Variants in NR3C2 observed in about 807,000 individuals in gnomAD.
The protein encoded by NR3C2 is mineralocorticoid receptor.
A neutral mutation model predicts 86.4 loss-of-function variants in NR3C2; 15 were observed. That is an observed-to-expected ratio of 0.17 (90% CI 0.12 to 0.27). NR3C2 has a LOEUF of 0.27. Ranked by LOEUF, NR3C2 falls within the 10% of genes least tolerant of loss-of-function variation. The pLI, the probability that NR3C2 is intolerant of heterozygous loss-of-function variation, is 1.00. For synonymous variants in NR3C2, 458 were observed against 450.5 expected (o/e 1.02, Z -0.21); for missense variants, 960 against 1,195.6 (o/e 0.80, Z 2.91).
At chr4:148,352,032 T>C (rs1745307153) in intron 2 of NR3C2, among the ~76,000 whole-genome samples, 1 of 152,194 alleles carries the variant, frequency 6.6e-6, no homozygotes, top group Admixed American at 6.5e-5. Context: ...AAATAACCAA[T>C]GGAAATATAG....
At chr4:148,218,185 G>A (rs1044992513) in intron 3 of NR3C2, among the ~76,000 whole-genome samples, 2 of 152,168 alleles carry the variant, frequency 1.3e-5, no homozygotes, top group Non-Finnish European at 2.9e-5. Flanking sequence ...GAAAACAAAG[G>A]TAAATATCAT....
chr4:148,120,126 T>C (rs376310975), intron 7 of NR3C2, 32 bp downstream of exon 7: 42 of 1,613,464 alleles, frequency 2.6e-5, no homozygotes, highest in Non-Finnish European at 3.5e-5. Context: ...TCTGGTAATA[T>C]AGAAACAGTG....
At chr4:148,354,449 C>G (rs2149996331) in intron 2 of NR3C2, among the ~76,000 whole-genome samples, 1 of 152,200 alleles carries the variant, frequency 6.6e-6, no homozygotes, top group Non-Finnish European at 1.5e-5. Context: ...CTAACCCTTG[C>G]ATTATTCAAG....
intron 4 of NR3C2, among the ~76,000 whole-genome samples, chr4:148,167,123 G>C (rs1411532751): frequency 6.6e-6 from 1 of 152,084 alleles, no homozygotes; most frequent in Non-Finnish European, 1.5e-5. Flanking sequence ...TATATTCCTA[G>C]GTCCAAACAA....
chr4:148,207,535 G>A (rs893542228), intron 3 of NR3C2, among the ~76,000 whole-genome samples: 1 of 152,136 alleles, frequency 6.6e-6, no homozygotes, highest in Non-Finnish European at 1.5e-5. Flanking sequence ...TGAAACTCAG[G>A]ACAAGAGAGG....
intron 2 of NR3C2, 60 bp downstream of exon 2, chr4:148,435,044 T>G: frequency 1.3e-6 from 2 of 1,487,062 alleles, no homozygotes; most frequent in Non-Finnish European, 1.9e-6. Flanking sequence ...GTAAAGATAA[T>G]GCTAACCTTC....
intron 3 of NR3C2, among the ~76,000 whole-genome samples, chr4:148,233,633 C>A (rs1738580750): frequency 6.6e-6 from 1 of 151,988 alleles, no homozygotes; most frequent in Admixed American, 6.5e-5. Context: ...GAGCTCAACT[C>A]AATTGGGCTA....
chr4:148,380,975 T>C (rs1287097167), intron 2 of NR3C2, among the ~76,000 whole-genome samples: 1 of 152,048 alleles, frequency 6.6e-6, no homozygotes, highest in Non-Finnish European at 1.5e-5. Context: ...CAAGAGAACA[T>C]TAGAACTTTG....
At chr4:148,389,091 A>T (rs986537695) in intron 2 of NR3C2, among the ~76,000 whole-genome samples, 1 of 152,144 alleles carries the variant, frequency 6.6e-6, no homozygotes, top group Non-Finnish European at 1.5e-5. Context: ...TTTCATCTCA[A>T]ATTTCCACTT....
chr4:148,298,392 G>T lies in NR3C2; in HGVS notation c.1758-38275C>A, dbSNP rs573150313. On this transcript the variant is annotated intron_variant, in intron 2 of 8. Transcript: ENST00000358102. Reference sequence around the variant, plus strand: ...TGATGGCTGCCGGAAGAAGGCAGGGGAGGGGAACAACTGGGGTGATGGAAA... The same window carrying T: ...TGATGGCTGCCGGAAGAAGGCAGGGTAGGGGAACAACTGGGGTGATGGAAA... 2.0e-5 allele frequency among the ~76,000 whole-genome samples: 3 copies of T among 152,322 alleles called. No homozygotes were observed. In the South Asian group the frequency reaches 6.2e-4, roughly 32 times the overall value.
intron 3 of NR3C2, among the ~76,000 whole-genome samples, chr4:148,222,938 A>G (rs564872354): frequency 2.7e-4 from 41 of 152,300 alleles, no homozygotes; most frequent in Admixed American, 2.7e-3. Context: ...ACATAAATGC[A>G]TATATGAGAA....
chr4:148,428,756 T>A (rs1749666910), intron 2 of NR3C2, among the ~76,000 whole-genome samples: 1 of 152,166 alleles, frequency 6.6e-6, no homozygotes. Flanking sequence ...CCAGAAAGCC[T>A]AGCTCTCATC....
Position 148,410,653 on chromosome 4 carries a change from A to C in NR3C2, c.1757+24451T>G, listed in dbSNP as rs1031990395. Reference sequence around the variant, plus strand: ...AGGGACCTTTCACTATAACTCAAAGAAGCAGAATCCCTAAAAGAATGTATT... The same window carrying C: ...AGGGACCTTTCACTATAACTCAAAGCAGCAGAATCCCTAAAAGAATGTATT... On this transcript the variant is annotated intron_variant, in intron 2 of 8. Coordinates refer to ENST00000358102, the MANE Select transcript of NR3C2 (RefSeq NM_000901.5). 3.9e-5 allele frequency among the ~76,000 whole-genome samples: 6 copies of C among 152,164 alleles called. No homozygotes were observed. In the East Asian group the frequency reaches 1.2e-3, roughly 29 times the overall value.
intron 8 of NR3C2, among the ~76,000 whole-genome samples, chr4:148,102,947 C>G (rs1731607206): frequency 6.6e-6 from 1 of 152,182 alleles, no homozygotes; most frequent in South Asian, 2.1e-4. Flanking sequence ...AATGCCTCAA[C>G]AGCTTCCTAG....
chr4:148,220,701 G>A (rs1167923128), intron 3 of NR3C2, among the ~76,000 whole-genome samples: 1 of 152,162 alleles, frequency 6.6e-6, no homozygotes. Flanking sequence ...GAAACTGAGG[G>A]GGGAGGATGG....
intron 3 of NR3C2, among the ~76,000 whole-genome samples, chr4:148,222,979 T>C (rs1224508139): frequency 6.6e-6 from 1 of 152,024 alleles, no homozygotes; most frequent in African/African-American, 2.4e-5. Context: ...AAGATATTAG[T>C]GGTAAAAAAC....
At chr4:148,393,653 T>C (rs1244661074) in intron 2 of NR3C2, among the ~76,000 whole-genome samples, 1 of 152,168 alleles carries the variant, frequency 6.6e-6, no homozygotes, top group Non-Finnish European at 1.5e-5. Flanking sequence ...TTCCATTTTG[T>C]TAATAAGAAG....
At chr4:148,364,141 C>T (rs1389854288) in intron 2 of NR3C2, among the ~76,000 whole-genome samples, 1 of 152,144 alleles carries the variant, frequency 6.6e-6, no homozygotes, top group Non-Finnish European at 1.5e-5. Flanking sequence ...GTAATGAAAA[C>T]TACATTTTTG....
chr4:148,276,063 T>C (rs1322659776), intron 2 of NR3C2, among the ~76,000 whole-genome samples: 3 of 152,152 alleles, frequency 2.0e-5, no homozygotes, highest in Non-Finnish European at 4.4e-5. Flanking sequence ...TTAAAATCAT[T>C]CCAAAATGTA....
Sources: allele counts gnomAD v4.1 joint callset (sites outside exome capture counted in the v4.1 genomes callset), GRCh38; gene constraint gnomAD v4.1.1; transcripts MANE v1.5; gene names NCBI Gene and HGNC (gene_info 2026-07-23, HGNC 2026-07-21).